The following FRMD4B variants were observed in gnomAD, a reference collection of about 807,000 sequenced individuals.
FRMD4B encodes the protein FERM domain-containing protein 4B.
Under a neutral mutation model 141.5 loss-of-function variants are expected in FRMD4B, and 74 were observed. The observed-to-expected ratio is 0.52, with a 90% CI of 0.43 to 0.63. The LOEUF is 0.63. Among genes scored for constraint, FRMD4B ranks in the 30% least tolerant of loss-of-function variants. The probability of loss-of-function intolerance (pLI) is 0.00; values close to 1 mark genes in which losing one functional copy is unlikely to be tolerated. For missense variants in FRMD4B, 1,366 were observed against 1,253.4 expected, an observed-to-expected ratio of 1.09 and a Z score of -1.36; for synonymous variants, 506 against 467.9, an observed-to-expected ratio of 1.08 and a Z score of -1.05.
chr3:69,322,176 C>A (rs1440137420), intron 1 of FRMD4B, among the ~76,000 whole-genome samples: 1 of 152,104 alleles, frequency 6.6e-6, no homozygotes, highest in Non-Finnish European at 1.5e-5. Flanking sequence ...AACTGGAGAG[C>A]GGGAGAAGGA....
intron 2 of FRMD4B, among the ~76,000 whole-genome samples, chr3:69,400,886 A>G (rs1206053052): frequency 1.3e-5 from 2 of 152,202 alleles, no homozygotes; most frequent in Non-Finnish European, 2.9e-5. Context: ...GATGATGTGA[A>G]CTTATTTGCC....
intron 1 of FRMD4B, among the ~76,000 whole-genome samples, chr3:69,477,347 T>C (rs1258287963): frequency 7.0e-6 from 1 of 142,552 alleles, no homozygotes; most frequent in Non-Finnish European, 1.5e-5. Flanking sequence ...GGGTTTGTCA[T>C]AGATAGCTCT....
rs1445821988 is a variant in FRMD4B at position 69,168,874 on chromosome 3, AATAG to A, written c.*2983_*2986del. Among the ~76,000 whole-genome samples, 3 of 152,254 alleles carry A rather than the reference AATAG, an allele frequency of 2.0e-5. No homozygotes were observed. Among genetic ancestry groups the A allele is most frequent in the South Asian group, 2.1e-4 (1 of 4,832 alleles). ...TGAAAATTTTTGTCAAATATAGAAAAATAGATAAACATCTAGTAGGGTGAGGCAA... is the reference window on the plus strand; with the variant it reads ...TGAAAATTTTTGTCAAATATAGAAAAATAAACATCTAGTAGGGTGAGGCAA... On this transcript the variant is annotated 3_prime_UTR_variant, in exon 23 of 23. Transcript: ENST00000398540.
At chr3:69,497,389 G>T (rs1706420269) in intron 1 of FRMD4B, among the ~76,000 whole-genome samples, 1 of 152,062 alleles carries the variant, frequency 6.6e-6, no homozygotes, top group Non-Finnish European at 1.5e-5. Flanking sequence ...ACCTATCATG[G>T]TGTTTATAAT....
intron 1 of FRMD4B, among the ~76,000 whole-genome samples, chr3:69,519,823 C>G (rs954767614): frequency 1.3e-5 from 2 of 151,620 alleles, no homozygotes; most frequent in African/African-American, 4.8e-5. Flanking sequence ...CAAAGTCTAC[C>G]GTATAATTCT....
At chr3:69,190,950 T>A (rs2092829025) in intron 17 of FRMD4B, among the ~76,000 whole-genome samples, 1 of 152,208 alleles carries the variant, frequency 6.6e-6, no homozygotes, top group Non-Finnish European at 1.5e-5. Context: ...ACAGTACCTA[T>A]CACGTAGTGC....
At chr3:69,174,391 C>A (rs938832607) in intron 22 of FRMD4B, among the ~76,000 whole-genome samples, 1 of 152,082 alleles carries the variant, frequency 6.6e-6, no homozygotes, top group Non-Finnish European at 1.5e-5. Context: ...AGATGTAAAA[C>A]TGTATGTACA....
intron 2 of FRMD4B, among the ~76,000 whole-genome samples, chr3:69,409,130 A>T (rs1340233822): frequency 4.6e-5 from 7 of 151,978 alleles, no homozygotes; most frequent in Admixed American, 4.6e-4. Context: ...TCATTCCACT[A>T]CTCAGTCTCA....
chr3:69,374,090 A>C (rs2314985), intron 1 of FRMD4B, among the ~76,000 whole-genome samples: 1,665 of 152,290 alleles, frequency 0.011, 18 homozygotes, highest in African/African-American at 0.038. Context: ...AATCCTGGTC[A>C]GAGTTTGCAC....
chr3:69,309,678 C>T (rs1457015006), intron 3 of FRMD4B, among the ~76,000 whole-genome samples: 2 of 145,610 alleles, frequency 1.4e-5, no homozygotes, highest in Non-Finnish European at 3.0e-5. Context: ...AACTCCTGTA[C>T]TCAAGGGATC....
At position 69,235,148 on chromosome 3, in the gene FRMD4B, T is replaced by G. The variant is rs889652483; in HGVS notation, c.582-10458A>C. On this transcript the variant is annotated intron_variant, in intron 7 of 22. Coordinates refer to ENST00000398540, the MANE Select transcript of FRMD4B (RefSeq NM_015123.3). ...CTGGGTGACAGAGCGAGACCCTGTC[T>G]CAAATAATAATAATAATAATAATAA... is the stretch of plus-strand genomic sequence containing the variant. 3.8e-3 allele frequency among the ~76,000 whole-genome samples: 404 copies of G among 105,676 alleles called. 1 individual carries two copies. The highest frequency in any genetic ancestry group is 0.015 in the African/African-American group (396 of 27,016). 69.3% of individuals were successfully genotyped at this position (105,676 alleles called of 152,430 possible).
intron 1 of FRMD4B, among the ~76,000 whole-genome samples, chr3:69,468,275 A>T (rs1455281091): frequency 6.6e-6 from 1 of 152,136 alleles, no homozygotes; most frequent in Non-Finnish European, 1.5e-5. Context: ...TGTTCGGACT[A>T]TGTCCCTCCT....
At chr3:69,260,698 C>T (rs528373094) in intron 5 of FRMD4B, among the ~76,000 whole-genome samples, 47 of 152,342 alleles carry the variant, frequency 3.1e-4, no homozygotes, top group Non-Finnish European at 1.9e-4. Context: ...ATCCACTAGG[C>T]GAAGCCAGAT....
chr3:69,373,506 T>C (rs947354544), intron 1 of FRMD4B, among the ~76,000 whole-genome samples: 1 of 152,204 alleles, frequency 6.6e-6, no homozygotes, highest in South Asian at 2.1e-4. Flanking sequence ...TTAACATCAT[T>C]AGAAGAATTA....
At position 69,235,688 on chromosome 3, in the gene FRMD4B, A is replaced by G. The variant is rs937010443; in HGVS notation, c.582-10998T>C. On this transcript the variant is annotated intron_variant, in intron 7 of 22. Transcript: ENST00000398540. ...TAAAAAAAAGAAAGGAAAAAAAAAAAGAAATACTTCTAAGGGACAACAGCT... is the reference window on the plus strand; with the variant it reads ...TAAAAAAAAGAAAGGAAAAAAAAAAGGAAATACTTCTAAGGGACAACAGCT... Among the ~76,000 whole-genome samples, 4 of 151,994 alleles carry G rather than the reference A, an allele frequency of 2.6e-5. No individual in the cohort carries two copies. The East Asian group carries it at 7.7e-4, about 29-fold the overall frequency.
Position 69,171,602 on chromosome 3 carries a change from T to A in FRMD4B, c.*259A>T, listed in dbSNP as rs1180467045. On this transcript the variant is annotated 3_prime_UTR_variant, in exon 23 of 23. Coordinates refer to ENST00000398540, the MANE Select transcript of FRMD4B (RefSeq NM_015123.3). ...TTGATGAAGGCTTCACACTGAGTCC[T>A]CTCTTGGCAATACTTCAACATGTGG... The A allele has an allele frequency of 5.4e-6, 2 of 367,206 alleles. No homozygotes were observed. The highest frequency in any genetic ancestry group is 1.0e-5 in the Non-Finnish European group (2 of 200,064). The allele number at this position is 367,206 out of a possible 1,614,324, so 22.7% of individuals were successfully genotyped here. A position where few individuals can be genotyped will look rare whatever the true frequency, so the allele number is the denominator to read the frequency against.
chr3:69,237,824 G>T (rs1198637687), intron 7 of FRMD4B, among the ~76,000 whole-genome samples: 2 of 152,162 alleles, frequency 1.3e-5, no homozygotes, highest in Non-Finnish European at 2.9e-5. Context: ...TCTGCCTCCT[G>T]GGTTCAAGTG....
intron 7 of FRMD4B, among the ~76,000 whole-genome samples, chr3:69,247,503 T>G (rs984526025): frequency 2.6e-5 from 4 of 152,230 alleles, no homozygotes; most frequent in Non-Finnish European, 5.9e-5. Flanking sequence ...ACACAGCAGC[T>G]TTTTTCTGAG....
intron 5 of FRMD4B, among the ~76,000 whole-genome samples, chr3:69,258,804 ATC>A (rs2093508468): frequency 6.6e-6 from 1 of 152,110 alleles, no homozygotes; most frequent in South Asian, 2.1e-4. Context: ...ACTGGGACCT[ATC>A]TCCCCACTGG....
Sources: gnomAD v4.1 joint callset for allele counts (sites outside exome capture counted in the v4.1 genomes callset) on GRCh38, gnomAD v4.1.1 for gene constraint, MANE v1.5 for transcripts, NCBI Gene and HGNC (gene_info 2026-07-23, HGNC 2026-07-21) for gene names.